TRPM8: variants seen among roughly 807,000 people sequenced by gnomAD.
TRPM8 encodes the protein transient receptor potential cation channel subfamily M member 8.
A neutral mutation model predicts 133.7 loss-of-function variants in TRPM8; 110 were observed. The ratio of observed to expected loss-of-function variants is 0.82; its 90% CI spans 0.70 to 0.96. The LOEUF is 0.96. Among genes scored for constraint, TRPM8 ranks in the 40% least tolerant of loss-of-function variants. TRPM8 has a pLI of 0.00. For missense variants in TRPM8, 1,291 were observed against 1,379.5 expected (o/e 0.94, Z 1.02); for synonymous variants, 535 against 532.3 (o/e 1.01, Z -0.07).
chr2:233,973,028 T>G (rs899704811), intron 17 of TRPM8, among the ~76,000 whole-genome samples: 3 of 152,206 alleles, frequency 2.0e-5, no homozygotes, highest in Non-Finnish European at 4.4e-5. Context: ...CGCTGTCACC[T>G]CTCAGAAGCG....
chr2:233,927,139 AAC>A (rs1342713701), intron 2 of TRPM8, among the ~76,000 whole-genome samples: 1 of 152,112 alleles, frequency 6.6e-6, no homozygotes, highest in Non-Finnish European at 1.5e-5. Context: ...TATCCTGTCC[AAC>A]ACTCTCATTT....
chr2:233,923,699 A>T (rs1274910417), intron 1 of TRPM8, among the ~76,000 whole-genome samples: 1 of 152,160 alleles, frequency 6.6e-6, no homozygotes, highest in Non-Finnish European at 1.5e-5. Flanking sequence ...CATTTCACTC[A>T]TGGGTCTTGA....
In TRPM8 at chr2:233,927,860, C is replaced by CTCTTTCTTTCTTTCTT. The variant is rs1176809297; in HGVS notation, c.117+1242_117+1257dup. ...CCTTCCTTCCTTCCTTCCTTTCTTT[C>CTCTTTCTTTCTTTCTT]TCTTTCTTTCTTTCTTTCTTTCTTT... On this transcript the variant is annotated intron_variant, in intron 2 of 25. Coordinates refer to ENST00000324695, the MANE Select transcript of TRPM8 (RefSeq NM_024080.5). Among the ~76,000 whole-genome samples the CTCTTTCTTTCTTTCTT allele has an allele frequency of 3.4e-3, 81 of 24,110 alleles. 6 individuals carry two copies. The highest frequency in any genetic ancestry group is 4.7e-3 in the East Asian group (3 of 640). The allele number at this position is 24,110 out of a possible 152,430, so 15.8% of individuals were successfully genotyped here. A position where few individuals can be genotyped will look rare whatever the true frequency, so the allele number is the denominator to read the frequency against.
chr2:233,995,890 G>T (rs1469869087), intron 21 of TRPM8, among the ~76,000 whole-genome samples: 1 of 151,890 alleles, frequency 6.6e-6, no homozygotes, highest in African/African-American at 2.4e-5. Flanking sequence ...CATTTTTAAG[G>T]CTCTTGATAA....
chr2:233,981,248 C>T (rs1047819043), intron 18 of TRPM8, among the ~76,000 whole-genome samples: 1 of 152,124 alleles, frequency 6.6e-6, no homozygotes, highest in Non-Finnish European at 1.5e-5. Context: ...TTTAAGGTTT[C>T]AGCATTTGAG....
chr2:234,000,031 A>G (rs1692511420), intron 22 of TRPM8, among the ~76,000 whole-genome samples: 1 of 152,202 alleles, frequency 6.6e-6, no homozygotes, highest in Admixed American at 6.5e-5. Context: ...CCATCCTTGG[A>G]AAAAACCTTT....
chr2:234,010,770 AT>A (rs1257360192), intron 24 of TRPM8, among the ~76,000 whole-genome samples: 1 of 151,852 alleles, frequency 6.6e-6, no homozygotes, highest in Non-Finnish European at 1.5e-5. Context: ...TGACATTTGA[AT>A]TTTTTCTTTT....
At chr2:233,982,038 T>G (rs1692023895) in intron 19 of TRPM8, 123 bp downstream of exon 19, 3 of 1,105,622 alleles carry the variant, frequency 2.7e-6, no homozygotes, top group Non-Finnish European at 3.7e-6. Context: ...AACATTCGCT[T>G]TCTTTGATGT....
At chr2:233,957,328 C>G (rs1029229566) in intron 11 of TRPM8, among the ~76,000 whole-genome samples, 1 of 146,330 alleles carries the variant, frequency 6.8e-6, no homozygotes, top group Non-Finnish European at 1.5e-5. Context: ...TCTGCCCCCC[C>G]CAAAAAAAAA....
intron 25 of TRPM8, among the ~76,000 whole-genome samples, chr2:234,015,876 A>G (rs546544180): frequency 2.2e-4 from 33 of 152,372 alleles, no homozygotes; most frequent in African/African-American, 7.2e-4. Context: ...AACACATGCC[A>G]TCTTGTTTAG....
intron 22 of TRPM8, among the ~76,000 whole-genome samples, chr2:234,006,509 C>T (rs577916829): frequency 3.5e-4 from 54 of 152,260 alleles, no homozygotes; most frequent in African/African-American, 1.3e-3. Flanking sequence ...TTTATGTCAT[C>T]AAAATGGAAG....
chr2:233,958,340 G>A (rs558672371), intron 11 of TRPM8, among the ~76,000 whole-genome samples: 17 of 152,302 alleles, frequency 1.1e-4, no homozygotes, highest in African/African-American at 4.1e-4. Flanking sequence ...GTAGAATCAA[G>A]GTTGAGAGCA....
chr2:233,921,677 C>CTTTTTTTTTTTTTTTTTTTTTTTTT (rs11373529), intron 1 of TRPM8, among the ~76,000 whole-genome samples: 8 of 106,662 alleles, frequency 7.5e-5, no homozygotes, highest in African/African-American at 1.5e-4. Context: ...CTTTTCTTTT[C>CTTTTTTTTTTTTTTTTTTTTTTTTT]TTTTTTTTTT....
chr2:233,947,599 A>G (rs1010690240), intron 8 of TRPM8: 1 of 1,290,266 alleles, frequency 7.8e-7, no homozygotes, highest in African/African-American at 1.5e-5. Flanking sequence ...TGCATGATGG[A>G]ATTCCAAACC....
At chr2:233,981,173 C>T (rs1280064598) in intron 18 of TRPM8, among the ~76,000 whole-genome samples, 1 of 152,138 alleles carries the variant, frequency 6.6e-6, no homozygotes, top group African/African-American at 2.4e-5. Flanking sequence ...TGAGTGTTCG[C>T]CCTCCAATTT....
chr2:233,984,295 C>T (rs1182492809), intron 20 of TRPM8, among the ~76,000 whole-genome samples: 2 of 152,172 alleles, frequency 1.3e-5, no homozygotes, highest in Admixed American at 1.3e-4. Context: ...GGATCTCTGG[C>T]ACGGAGCAGC....
intron 5 of TRPM8, among the ~76,000 whole-genome samples, chr2:233,940,061 T>C (rs1302941236): frequency 6.6e-6 from 1 of 152,116 alleles, no homozygotes; most frequent in Non-Finnish European, 1.5e-5. Context: ...TTTTTTTTTT[T>C]TCCTTACATT....
Position 233,950,074 on chromosome 2 carries a change from G to A in TRPM8, c.1068G>A (p.Glu356=), listed in dbSNP as rs200061308. The A allele has an allele frequency of 1.2e-4, 199 of 1,614,060 alleles. 2 individuals are homozygous for A. The highest frequency in any genetic ancestry group is 1.2e-3 in the Middle Eastern group (7 of 5,920). The part of the protein sequence containing the change: ...EDALTSSAVK[E]KLVRFLPRTV... ...CCCTGACATCTTCTGCCGTCAAGGAGAAGCTGGTGCGCTTTTTACCCCGCA... is the reference window on the plus strand; with the variant it reads ...CCCTGACATCTTCTGCCGTCAAGGAAAAGCTGGTGCGCTTTTTACCCCGCA... Residue 356 remains glutamate (E), a synonymous_variant, in exon 9 of 26, where the codon GAG becomes GAA. Transcript: ENST00000324695.
At chr2:233,947,199 A>G (rs202092511) in intron 8 of TRPM8, 44 bp downstream of exon 8, 3 of 1,608,754 alleles carry the variant, frequency 1.9e-6, no homozygotes, top group Non-Finnish European at 2.6e-6. Flanking sequence ...TAATAAGCCT[A>G]TCCAACAAAT....
Sources: allele counts gnomAD v4.1 joint callset (sites outside exome capture counted in the v4.1 genomes callset), GRCh38; gene constraint gnomAD v4.1.1; transcripts MANE v1.5; gene names NCBI Gene and HGNC (gene_info 2026-07-23, HGNC 2026-07-21).